Variants in SAMMSON observed in about 807,000 individuals in gnomAD.
The protein encoded by SAMMSON is long intergenic non-protein coding RNA 1212.
intron 4 of SAMMSON, among the ~76,000 whole-genome samples, chr3:70,247,443 C>T (rs1479189459): frequency 2.0e-5 from 3 of 151,470 alleles, no homozygotes; most frequent in Non-Finnish European, 4.4e-5. Flanking sequence ...CTCTTGAGCA[C>T]TTCATATGTA....
intron 9 of SAMMSON, among the ~76,000 whole-genome samples, chr3:70,385,841 T>A (rs1703119446): frequency 6.6e-6 from 1 of 152,152 alleles, no homozygotes; most frequent in African/African-American, 2.4e-5. Flanking sequence ...AGAGTTGTTA[T>A]GTTTTTTGAA....
intron 4 of SAMMSON, among the ~76,000 whole-genome samples, chr3:70,203,974 A>G (rs1422500110): frequency 6.6e-6 from 1 of 152,174 alleles, no homozygotes; most frequent in African/African-American, 2.4e-5. Context: ...CAATTTAGTA[A>G]TAAAGTAATG....
rs535719878 is a variant in SAMMSON at position 70,251,639 on chromosome 3, T to C, written n.674+1969T>C. On this transcript the variant is annotated intron_variant and non_coding_transcript_variant, in intron 6 of 9. Coordinates refer to ENST00000642114, the Ensembl canonical transcript of SAMMSON. ...ACAGCAATATACCTGCAAATTTAGG[T>C]TCTGCTTTTGCATTGAGAATATTAT... Among the ~76,000 whole-genome samples, 6 of 152,326 alleles carry C rather than the reference T, an allele frequency of 3.9e-5. 2 individuals are homozygous for C. The South Asian group carries it at 1.2e-3, about 32-fold the overall frequency.
intron 4 of SAMMSON, among the ~76,000 whole-genome samples, chr3:70,133,994 A>C (rs2067494529): frequency 6.6e-6 from 1 of 151,818 alleles, no homozygotes; most frequent in African/African-American, 2.4e-5. Flanking sequence ...CTGTAATCCC[A>C]GCACTTTGGG....
intron 9 of SAMMSON, among the ~76,000 whole-genome samples, chr3:70,364,942 G>A (rs1387383702): frequency 1.3e-5 from 2 of 151,272 alleles, no homozygotes; most frequent in African/African-American, 2.4e-5. Flanking sequence ...CAATGAGATC[G>A]TGTTATCCAT....
At chr3:70,307,352 C>G (rs1046755082) in intron 7 of SAMMSON, among the ~76,000 whole-genome samples, 1 of 152,124 alleles carries the variant, frequency 6.6e-6, no homozygotes, top group Non-Finnish European at 1.5e-5. Context: ...TGATTTTAAA[C>G]TGCAAATGGC....
chr3:70,263,005 A>G (rs1044053084), intron 6 of SAMMSON, among the ~76,000 whole-genome samples: 1 of 152,148 alleles, frequency 6.6e-6, no homozygotes, highest in Non-Finnish European at 1.5e-5. Flanking sequence ...TTTTAATTTT[A>G]GGTATTGCAT....
chr3:70,424,520 C>T (rs1662324743), intron 2 of SAMMSON, among the ~76,000 whole-genome samples: 2 of 151,920 alleles, frequency 1.3e-5, no homozygotes, highest in Non-Finnish European at 2.9e-5. Flanking sequence ...GACACTGACA[C>T]ATTAACTGTG....
downstream of SAMMSON, among the ~76,000 whole-genome samples, chr3:70,394,127 G>C (rs1030438735): frequency 3.3e-5 from 5 of 152,152 alleles, no homozygotes; most frequent in East Asian, 9.6e-4. Flanking sequence ...ATTGGCTCTG[G>C]GAGTGGTGAA....
At chr3:70,234,463 A>G (rs540487407) in intron 4 of SAMMSON, among the ~76,000 whole-genome samples, 6 of 152,164 alleles carry the variant, frequency 3.9e-5, no homozygotes, top group Admixed American at 1.3e-4. Flanking sequence ...AGCCTGGGCA[A>G]CATAACAAAA....
chr3:70,300,907 T>C (rs1702342161), intron 7 of SAMMSON, among the ~76,000 whole-genome samples: 1 of 152,024 alleles, frequency 6.6e-6, no homozygotes, highest in Non-Finnish European at 1.5e-5. Context: ...TATGTTGCTG[T>C]TTTTAAAAAA....
At chr3:70,212,775 G>T (rs1357609256) in intron 4 of SAMMSON, among the ~76,000 whole-genome samples, 1 of 151,318 alleles carries the variant, frequency 6.6e-6, no homozygotes, top group South Asian at 2.1e-4. Context: ...ACTATTACCT[G>T]AATATTTTCC....
At position 70,021,232 on chromosome 3, in the gene SAMMSON, G is replaced by A. The variant is rs151079228; in HGVS notation, n.417+7560G>A. Among the ~76,000 whole-genome samples, 1,290 of 152,186 alleles carry A rather than the reference G, an allele frequency of 8.5e-3. 3 individuals are homozygous for A. The highest frequency in any genetic ancestry group is 0.014 in the Admixed American group (212 of 15,284). On this transcript the variant is annotated intron_variant and non_coding_transcript_variant, in intron 3 of 9. Transcript: ENST00000642114. ...AACAGGCCACCAAAACACATTTCCTGTCATAATTAGTGTAATGAGTTCTCA... is the reference window on the plus strand; with the variant it reads ...AACAGGCCACCAAAACACATTTCCTATCATAATTAGTGTAATGAGTTCTCA...
At chr3:70,037,765 C>G (rs1442910530) in intron 3 of SAMMSON, among the ~76,000 whole-genome samples, 1 of 152,144 alleles carries the variant, frequency 6.6e-6, no homozygotes, top group Non-Finnish European at 1.5e-5. Flanking sequence ...TGGAATACAC[C>G]CTTAGATTGC....
intron 3 of SAMMSON, chr3:70,030,210 A>C (rs1369078521): frequency 6.6e-6 from 1 of 152,216 alleles, no homozygotes; most frequent in Non-Finnish European, 1.5e-5. Flanking sequence ...ATGTTTATAA[A>C]ATTTTAAAAA....
chr3:70,340,357 G>A (rs377535417), intron 7 of SAMMSON, among the ~76,000 whole-genome samples: 29 of 148,870 alleles, frequency 1.9e-4, no homozygotes, highest in Middle Eastern at 3.5e-3. Flanking sequence ...AAACCTGCAT[G>A]TTGTGCACGT....
At chr3:70,400,685 AC>A (rs756749742) in intron 2 of SAMMSON, among the ~76,000 whole-genome samples, 9 of 152,078 alleles carry the variant, frequency 5.9e-5, no homozygotes, top group Non-Finnish European at 1.3e-4. Flanking sequence ...TAATCCCAGC[AC>A]TTTGGAGCGT....
At chr3:70,267,916 C>T (rs1701935619) in intron 6 of SAMMSON, among the ~76,000 whole-genome samples, 1 of 151,736 alleles carries the variant, frequency 6.6e-6, no homozygotes, top group South Asian at 2.1e-4. Flanking sequence ...TCCCAGTTTC[C>T]TTTCCTTTTC....
At chr3:70,306,950 C>G (rs1307487486) in intron 7 of SAMMSON, among the ~76,000 whole-genome samples, 1 of 151,672 alleles carries the variant, frequency 6.6e-6, no homozygotes, top group Non-Finnish European at 1.5e-5. Flanking sequence ...TTTGCTCATA[C>G]AAATAAATAT....
Sources: gnomAD v4.1 joint callset for allele counts (sites outside exome capture counted in the v4.1 genomes callset) on GRCh38, gnomAD v4.1.1 for gene constraint, MANE v1.5 for transcripts, NCBI Gene and HGNC (gene_info 2026-07-23, HGNC 2026-07-21) for gene names.